ASIC1: variants seen among roughly 807,000 people sequenced by gnomAD.
ASIC1 encodes the protein acid-sensing ion channel 1.
ASIC1 carries 21 observed loss-of-function variants against 63.4 expected under a neutral mutation model. The observed-to-expected ratio is 0.33, with a 90% CI of 0.23 to 0.48. The LOEUF is 0.48. Ranked by LOEUF, ASIC1 falls within the 20% of genes least tolerant of loss-of-function variation. ASIC1 has a pLI of 0.99. For synonymous variants in ASIC1, 258 were observed against 278.2 expected, an observed-to-expected ratio of 0.93 and a Z score of 0.72; for missense variants, 478 against 695.5, an observed-to-expected ratio of 0.69 and a Z score of 3.52.
Position 50,077,378 on chromosome 12 carries a change from T to G in ASIC1, c.709+15T>G. 6.2e-7 allele frequency: 1 copy of G among 1,613,966 alleles called. No individual in the cohort carries two copies. The highest frequency in any genetic ancestry group is 8.5e-7 in the Non-Finnish European group (1 of 1,179,948). ...GGGGGAGACTGGTACGTCACCCACT[T>G]CAGGGGCCCCTCTGCATGGCTCTAG... On this transcript the variant is annotated intron_variant, in intron 4 of 11. Transcript: ENST00000447966.
At position 50,074,321 on chromosome 12, in the gene ASIC1, TTGGGGC is replaced by T. The variant is rs1357365634; in HGVS notation, c.559-2871_559-2866del. The T allele has an allele frequency of 4.8e-5, 68 of 1,431,174 alleles. No individual in the cohort carries two copies. Among genetic ancestry groups the T allele is most frequent in the South Asian group, 7.5e-5 (5 of 67,020 alleles). 88.7% of individuals were successfully genotyped at this position (1,431,174 alleles called of 1,614,324 possible). On this transcript the variant is annotated intron_variant, in intron 3 of 11. Coordinates refer to ENST00000447966, the MANE Select transcript of ASIC1 (RefSeq NM_001095.4). This position sits in a 1 kb window ranked among gnomAD's most constrained non-coding sequence, Gnocchi z 4.2. ...TGTCCCTGACTGTCACCTCCTGGGG[TTGGGGC>T]TGGGGCTGGGGCTGGGGCTGATGAC... is the stretch of plus-strand genomic sequence containing the variant.
intron 3 of ASIC1, among the ~76,000 whole-genome samples, chr12:50,062,995 G>C (rs2137811980): frequency 6.6e-6 from 1 of 152,228 alleles, no homozygotes; most frequent in East Asian, 1.9e-4. Flanking sequence ...AGGGCAGGGA[G>C]TATCCCCACA....
In ASIC1 at chr12:50,059,843, C is replaced by T. The variant is rs758654459; in HGVS notation, c.447C>T (p.Pro149=). 5 of 1,614,188 alleles carry T rather than the reference C, an allele frequency of 3.1e-6. No individual in the cohort carries two copies. The highest frequency in any genetic ancestry group is 4.2e-6 in the Non-Finnish European group (5 of 1,180,028). The stretch of plus-strand genomic sequence containing the variant: ...AAGCCAACTTCCGCAGCTTCAAACC[C>T]AAACCCTTCAACATGCGTGAGTTCT... ...QDKANFRSFK[P]KPFNMREFYD... is the part of the protein sequence containing the mutation. The change falls in exon 3 of 12, where the codon CCC becomes CCT. Residue 149 remains proline, a synonymous_variant. Coordinates refer to ENST00000447966, the MANE Select transcript of ASIC1 (RefSeq NM_001095.4). This position sits in a 1 kb window ranked among gnomAD's most constrained non-coding sequence, Gnocchi z 4.6.
At position 50,081,610 on chromosome 12, in the gene ASIC1, C is replaced by T. The variant is rs762453812; in HGVS notation, c.1548C>T (p.His516=). The change falls in exon 12 of 12, where the codon CAC becomes CAT. Residue 516 remains histidine (H), a synonymous_variant. Transcript: ENST00000447966. ...GMTYAANILP[H]HPARGTFEDF... ...CATACGCTGCCAACATCCTACCTCA[C>T]CATCCGGCCCGAGGCACGTTCGAGG... is the stretch of plus-strand genomic sequence containing the variant. The T allele has an allele frequency of 5.0e-6, 8 of 1,614,158 alleles. No individual in the cohort carries two copies. In the South Asian group the frequency reaches 8.8e-5, roughly 18 times the overall value.
In ASIC1 at chr12:50,077,495, C is replaced by G. The variant is rs150786049; in HGVS notation, c.709+132C>G. On this transcript the variant is annotated intron_variant, in intron 4 of 11. Coordinates refer to ENST00000447966, the MANE Select transcript of ASIC1 (RefSeq NM_001095.4). ...CTCTCCCTCCAGCATCTCACCATCT[C>G]TATCACTGACTCTACCTGACTTCCA... The G allele has an allele frequency of 1.3e-3, 1,730 of 1,281,942 alleles. 3 individuals carry two copies. Among genetic ancestry groups the G allele is most frequent in the Admixed American group, 2.2e-3 (89 of 39,604 alleles). 79.4% of individuals were successfully genotyped at this position (1,281,942 alleles called of 1,614,324 possible).
chr12:50,058,435 A>T (rs1950467823), intron 1 of ASIC1, among the ~76,000 whole-genome samples: 1 of 151,594 alleles, frequency 6.6e-6, no homozygotes, highest in Non-Finnish European at 1.5e-5. Context: ...TCTGGAGGGA[A>T]CTCCTGCGCC....
intron 3 of ASIC1, chr12:50,073,477 C>T: frequency 1.4e-6 from 2 of 1,428,172 alleles, no homozygotes; most frequent in South Asian, 3.1e-5. Flanking sequence ...GGCTGACGGG[C>T]TGGGTGGCTG....
chr12:50,077,295 C>T lies in ASIC1; in HGVS notation c.641C>T (p.Thr214Met), dbSNP rs373616682. Residue 214 changes from threonine (T) to methionine (M), a missense_variant, in exon 4 of 12, where the codon ACG becomes ATG. Coordinates refer to ENST00000447966, the MANE Select transcript of ASIC1 (RefSeq NM_001095.4). The stretch of plus-strand genomic sequence containing the variant: ...CGGCTGAAGACCATGAAGGGTGGGA[C>T]GGGCAATGGGCTGGAAATCATGCTG... ...RPRLKTMKGG[T>M]GNGLEIMLDI... 101 of 1,614,004 alleles carry T rather than the reference C, an allele frequency of 6.3e-5. No individual in the cohort carries two copies. The highest frequency in any genetic ancestry group is 8.0e-5 in the Non-Finnish European group (94 of 1,180,014).
At chr12:50,070,880 G>A (rs1376258652) in intron 3 of ASIC1, 1 of 152,398 alleles carries the variant, frequency 6.6e-6, no homozygotes, top group Non-Finnish European at 1.5e-5. Context: ...GAAGCCTGAG[G>A]ACAGCAGCTG....
At chr12:50,058,200 G>T (rs1472497471) in intron 1 of ASIC1, among the ~76,000 whole-genome samples, 5 of 152,072 alleles carry the variant, frequency 3.3e-5, no homozygotes, top group Non-Finnish European at 7.4e-5. Context: ...CTGCGCTTAT[G>T]TGAGAACTGG....
Position 50,064,480 on chromosome 12 carries a change from C to A in ASIC1, c.558+4526C>A, listed in dbSNP as rs371503825. 9.2e-5 allele frequency among the ~76,000 whole-genome samples: 14 copies of A among 152,244 alleles called. No homozygotes were observed. The East Asian group carries it at 1.5e-3, about 17-fold the overall frequency. ...TTTCTGACTCCATCCCTCTCTCAGA[C>A]AGCTATCAGCTAAGAACTACTCTAA... is the stretch of plus-strand genomic sequence containing the variant. On this transcript the variant is annotated intron_variant, in intron 3 of 11. Transcript: ENST00000447966.
Position 50,080,073 on chromosome 12 carries a change from G to A in ASIC1, c.1205+18G>A. On this transcript the variant is annotated intron_variant, in intron 8 of 11. Transcript: ENST00000447966. ...TACATAGGGTAAGGGCTCTGGCTGGGTAGAGCAAGGCCCTTGGGTTGGGAC... is the reference window on the plus strand; with the variant it reads ...TACATAGGGTAAGGGCTCTGGCTGGATAGAGCAAGGCCCTTGGGTTGGGAC... 1.3e-6 allele frequency: 2 copies of A among 1,597,790 alleles called. No individual in the cohort carries two copies. The highest frequency in any genetic ancestry group is 1.7e-6 in the Non-Finnish European group (2 of 1,171,970).
chr12:50,063,164 GGCCA>G (rs1950515839), intron 3 of ASIC1, among the ~76,000 whole-genome samples: 1 of 152,152 alleles, frequency 6.6e-6, no homozygotes, highest in African/African-American at 2.4e-5. Flanking sequence ...CCCACCTTGA[GGCCA>G]GCCAGGCCAA....
chr12:50,059,005 T>A lies in ASIC1; in HGVS notation c.239T>A (p.Val80Glu). The A allele has an allele frequency of 3.1e-6, 5 of 1,614,162 alleles. No individual in the cohort carries two copies. The highest frequency in any genetic ancestry group is 4.2e-6 in the Non-Finnish European group (5 of 1,180,020). Residue 80 changes from valine to glutamate, a missense_variant, in exon 2 of 12, where the codon GTG becomes GAG. By Grantham distance (121) the Val-to-Glu change is moderately radical. This residue lies in a region of ASIC1 where 290 missense variants were observed against 414.9 expected (regional missense o/e 0.70). Transcript: ENST00000447966. The surrounding 1 kb of genome is among the most constrained non-coding windows in gnomAD (Gnocchi z 4.6). ...HYHHVTKLDE[V>E]AASQLTFPAV... Reference sequence around the variant, plus strand: ...CACCATGTCACCAAGCTCGACGAGGTGGCTGCCTCTCAGCTTACCTTCCCT... The same window carrying A: ...CACCATGTCACCAAGCTCGACGAGGAGGCTGCCTCTCAGCTTACCTTCCCT...
intron 3 of ASIC1, among the ~76,000 whole-genome samples, chr12:50,061,834 T>C (rs573776901): frequency 2.9e-4 from 44 of 152,206 alleles, no homozygotes; most frequent in Non-Finnish European, 6.0e-4. Flanking sequence ...GATTGGTCCA[T>C]GCTGTCTGAG....
At chr12:50,067,412 T>TG (rs1295376137) in intron 3 of ASIC1, among the ~76,000 whole-genome samples, 46 of 26,396 alleles carry the variant, frequency 1.7e-3, no homozygotes, top group Middle Eastern at 0.012. Context: ...CTGCTGTTGT[T>TG]TTTTTTTTTT....
rs1950470881 is a variant in ASIC1 at position 50,058,752 on chromosome 12, A to T, written c.-15A>T. Reference sequence around the variant, plus strand: ...GACTGTCCCTCCCTCCTCCCCCAGGATCCCCTCAACAAGGATGGAACTGAA... The same window carrying T: ...GACTGTCCCTCCCTCCTCCCCCAGGTTCCCCTCAACAAGGATGGAACTGAA... On this transcript the variant is annotated splice_region_variant and 5_prime_UTR_variant, in exon 2 of 12. Transcript: ENST00000447966. The T allele has an allele frequency of 6.4e-7, 1 of 1,560,474 alleles. No individual in the cohort carries two copies. The highest frequency in any genetic ancestry group is 8.7e-7 in the Non-Finnish European group (1 of 1,149,456).
chr12:50,069,256 T>TTTTATTTATTTA (rs58172412), intron 3 of ASIC1, among the ~76,000 whole-genome samples: 113 of 146,344 alleles, frequency 7.7e-4, no homozygotes, highest in Middle Eastern at 3.5e-3. Flanking sequence ...TTATTTTTTA[T>TTTTATTTATTTA]TTTATTTATT....
At chr12:50,064,500 C>T (rs1200343330) in intron 3 of ASIC1, among the ~76,000 whole-genome samples, 2 of 152,214 alleles carry the variant, frequency 1.3e-5, no homozygotes, top group Admixed American at 6.5e-5. Context: ...CTAAGAACTA[C>T]TCTAAGCTAA....
Sources: gnomAD v4.1 joint callset for allele counts (sites outside exome capture counted in the v4.1 genomes callset) on GRCh38, gnomAD v4.1.1 for gene constraint, gnomAD v4.1.1 regional missense constraint, Gnocchi (gnomAD v3.1) non-coding constraint, MANE v1.5 for transcripts, NCBI Gene and HGNC (gene_info 2026-07-23, HGNC 2026-07-21) for gene names.